The following C16orf74 variants were observed in gnomAD, a reference collection of about 807,000 sequenced individuals.
The protein encoded by C16orf74 is calcimembrin, also known as uncharacterized protein C16orf74.
In C16orf74, 10 loss-of-function variants were observed where a neutral mutation model predicts 6.5. That is an observed-to-expected ratio of 1.54 (90% CI 0.95 to 2.61). The LOEUF is 2.61. Ranked by LOEUF, C16orf74 falls within the 30% of genes most tolerant of loss-of-function variation. The pLI is 0.00. For missense variants in C16orf74, 141 were observed against 105.9 expected (o/e 1.33, Z -1.45); for synonymous variants, 60 against 42.5 (o/e 1.41, Z -1.60).
intron 1 of C16orf74, among the ~76,000 whole-genome samples, chr16:85,739,757 G>C (rs2054282439): frequency 6.6e-6 from 1 of 152,118 alleles, no homozygotes; most frequent in Admixed American, 6.6e-5. Flanking sequence ...AGACGTGATG[G>C]TGTCACTGCA....
At chr16:85,745,135 T>C (rs2054358848) in intron 1 of C16orf74, among the ~76,000 whole-genome samples, 1 of 101,910 alleles carries the variant, frequency 9.8e-6, no homozygotes, top group South Asian at 2.9e-4. Flanking sequence ...GACGAAACTC[T>C]GTCTAAAAAA....
intron 2 of C16orf74, among the ~76,000 whole-genome samples, chr16:85,728,771 GAC>G (rs1208970975): frequency 6.6e-6 from 1 of 152,202 alleles, no homozygotes; most frequent in Non-Finnish European, 1.5e-5. Flanking sequence ...CCATTTTACA[GAC>G]ACAGAAACTG....
At chr16:85,709,973 C>T (rs764747882) in intron 3 of C16orf74, among the ~76,000 whole-genome samples, 191 bp downstream of exon 3, 18 of 152,266 alleles carry the variant, frequency 1.2e-4, no homozygotes, top group Admixed American at 1.0e-3. Flanking sequence ...CACGCCGCGT[C>T]GTGCTGAGGC....
intron 1 of C16orf74, among the ~76,000 whole-genome samples, chr16:85,741,927 A>C (rs989524055): frequency 6.6e-6 from 1 of 152,078 alleles, no homozygotes; most frequent in Non-Finnish European, 1.5e-5. Context: ...GTCCCTTCCA[A>C]ACCTCATGTT....
intron 2 of C16orf74, among the ~76,000 whole-genome samples, chr16:85,730,009 G>T (rs1455006017): frequency 1.3e-5 from 2 of 152,202 alleles, no homozygotes. Flanking sequence ...TCCCATCCCA[G>T]CCAGCCAAGT....
chr16:85,744,647 G>T (rs527303464), intron 1 of C16orf74, among the ~76,000 whole-genome samples: 1 of 151,720 alleles, frequency 6.6e-6, no homozygotes, highest in African/African-American at 2.4e-5. Context: ...TGGCTAACAC[G>T]GTGAAACCCT....
At chr16:85,748,916 G>A (rs1243443104) in intron 1 of C16orf74, among the ~76,000 whole-genome samples, 2 of 147,080 alleles carry the variant, frequency 1.4e-5, no homozygotes, top group African/African-American at 5.1e-5. Context: ...AGATGATTGG[G>A]AGGCTTTGAT....
At chr16:85,717,942 G>A (rs949194225) in intron 2 of C16orf74, among the ~76,000 whole-genome samples, 2 of 152,202 alleles carry the variant, frequency 1.3e-5, no homozygotes, top group Non-Finnish European at 2.9e-5. Context: ...AGGATGCCCA[G>A]GTCCCTGGGG....
intron 2 of C16orf74, among the ~76,000 whole-genome samples, chr16:85,716,357 G>A (rs922521945): frequency 4.9e-5 from 7 of 143,236 alleles, no homozygotes; most frequent in Non-Finnish European, 7.7e-5. Context: ...AGGAGGAAGA[G>A]GAGGAAGGGA....
chr16:85,715,008 T>C (rs2054008647), intron 2 of C16orf74, among the ~76,000 whole-genome samples: 2 of 150,410 alleles, frequency 1.3e-5, no homozygotes, highest in Admixed American at 1.3e-4. Flanking sequence ...TACAAAAAAA[T>C]TAGGCAGGCA....
intron 1 of C16orf74, among the ~76,000 whole-genome samples, chr16:85,746,668 T>C (rs550283801): frequency 6.6e-6 from 1 of 152,136 alleles, no homozygotes; most frequent in Middle Eastern, 3.2e-3. Context: ...AGAATGTGAC[T>C]GTTTGCCAGG....
intron 2 of C16orf74, among the ~76,000 whole-genome samples, chr16:85,716,763 C>A (rs899581238): frequency 1.3e-5 from 2 of 151,890 alleles, no homozygotes; most frequent in African/African-American, 4.8e-5. Flanking sequence ...TCTCACATCC[C>A]CAGGGCCTGC....
At chr16:85,719,444 G>C (rs1386828636) in intron 2 of C16orf74, among the ~76,000 whole-genome samples, 1 of 152,108 alleles carries the variant, frequency 6.6e-6, no homozygotes, top group African/African-American at 2.4e-5. Flanking sequence ...CTTGTGGGAG[G>C]CTGGACTGTG....
chr16:85,712,515 C>A (rs2053980244), intron 2 of C16orf74, among the ~76,000 whole-genome samples: 1 of 152,194 alleles, frequency 6.6e-6, no homozygotes, highest in African/African-American at 2.4e-5. Flanking sequence ...GGGTGTTCCT[C>A]TGAGAGGCAG....
intron 2 of C16orf74, among the ~76,000 whole-genome samples, chr16:85,734,594 G>C (rs2054224274): frequency 6.6e-6 from 1 of 152,202 alleles, no homozygotes; most frequent in South Asian, 2.1e-4. Flanking sequence ...TTTTGGCTGG[G>C]GAGAACAAAG....
intron 2 of C16orf74, among the ~76,000 whole-genome samples, chr16:85,726,784 G>A (rs1444413133): frequency 6.6e-6 from 1 of 152,166 alleles, no homozygotes; most frequent in East Asian, 1.9e-4. Flanking sequence ...TTCCCTGCCT[G>A]GCTCCACCTG....
chr16:85,722,743 A>G (rs1424258163), intron 2 of C16orf74, among the ~76,000 whole-genome samples: 2 of 151,806 alleles, frequency 1.3e-5, no homozygotes, highest in Admixed American at 1.3e-4. Context: ...CTGACGGGAA[A>G]GCCCCGGCCC....
chr16:85,722,938 C>T lies in C16orf74; in HGVS notation c.28+12252G>A, dbSNP rs535260520. The stretch of plus-strand genomic sequence containing the variant: ...CCCGCCCAGCTCATCCTGGAAGACA[C>T]GGAGGCGAAAAGAGGTTGAGCCACT... On this transcript the variant is annotated intron_variant, in intron 2 of 3. Transcript: ENST00000284245. Among the ~76,000 whole-genome samples the T allele has an allele frequency of 3.9e-5, 6 of 152,274 alleles. No individual in the cohort carries two copies. In the East Asian group the frequency reaches 5.8e-4, roughly 15 times the overall value.
intron 3 of C16orf74, among the ~76,000 whole-genome samples, chr16:85,709,186 T>C (rs1403533755): frequency 1.3e-5 from 2 of 152,032 alleles, no homozygotes; most frequent in Non-Finnish European, 2.9e-5. Flanking sequence ...GAAACCCCAT[T>C]TCTACTAAAA....
Sources: allele counts gnomAD v4.1 joint callset (sites outside exome capture counted in the v4.1 genomes callset), GRCh38; gene constraint gnomAD v4.1.1; transcripts MANE v1.5; gene names NCBI Gene and HGNC (gene_info 2026-07-23, HGNC 2026-07-21).